The following KAZN variants were observed in gnomAD, a reference collection of about 807,000 sequenced individuals.
KAZN encodes kazrin, periplakin interacting protein, also known as kazrin.
A neutral mutation model predicts 87.4 loss-of-function variants in KAZN; 40 were observed. The ratio of observed to expected loss-of-function variants is 0.46; its 90% confidence interval spans 0.36 to 0.60. The LOEUF (loss-of-function observed/expected upper bound fraction) is 0.60. Among genes scored for constraint, KAZN ranks in the 20% least tolerant of loss-of-function variants. KAZN has a pLI of 0.00. For synonymous variants in KAZN, 466 were observed against 458.3 expected, an observed-to-expected ratio of 1.02 and a Z score of -0.22; for missense variants, 898 against 1,073.9, an observed-to-expected ratio of 0.84 and a Z score of 2.29.
intron 2 of KAZN, among the ~76,000 whole-genome samples, chr1:14,216,658 C>T (rs897529206): frequency 1.3e-5 from 2 of 152,148 alleles, no homozygotes; most frequent in East Asian, 3.9e-4. Flanking sequence ...GTAATCCCAG[C>T]ACTTTGGGAG....
chr1:14,254,076 G>C (rs1474983012), intron 2 of KAZN, among the ~76,000 whole-genome samples: 3 of 152,066 alleles, frequency 2.0e-5, no homozygotes, highest in African/African-American at 7.2e-5. Context: ...ATAAAAATCT[G>C]TTCTATCTGA....
chr1:13,894,289 A>G (rs755675066), intron 1 of KAZN, among the ~76,000 whole-genome samples: 1 of 152,198 alleles, frequency 6.6e-6, no homozygotes, highest in Non-Finnish European at 1.5e-5. Context: ...GTCTGTGCTC[A>G]TGAATTTGTC....
chr1:14,549,609 A>AC (rs1179597183), intron 2 of KAZN, among the ~76,000 whole-genome samples: 33 of 131,052 alleles, frequency 2.5e-4, no homozygotes, highest in African/African-American at 4.2e-4. Flanking sequence ...TCTCCAGGCA[A>AC]CCCCTTTTTT....
At chr1:14,859,375 G>A (rs1650568325) in intron 1 of KAZN, among the ~76,000 whole-genome samples, 1 of 152,130 alleles carries the variant, frequency 6.6e-6, no homozygotes, top group African/African-American at 2.4e-5. Flanking sequence ...TGGGTGACTG[G>A]CCCACGGTCA....
chr1:14,963,749 T>G (rs1356314024), intron 2 of KAZN, among the ~76,000 whole-genome samples: 1 of 152,180 alleles, frequency 6.6e-6, no homozygotes, highest in Non-Finnish European at 1.5e-5. Flanking sequence ...AGGTTTTAAT[T>G]AGATATTTGT....
intron 2 of KAZN, among the ~76,000 whole-genome samples, chr1:14,446,561 T>C (rs958611738): frequency 2.0e-5 from 3 of 152,226 alleles, no homozygotes; most frequent in Non-Finnish European, 4.4e-5. Flanking sequence ...AGCTAAACCA[T>C]GGAGGCTAGG....
intron 2 of KAZN, among the ~76,000 whole-genome samples, chr1:14,369,119 G>A (rs180905555): frequency 3.9e-5 from 6 of 152,318 alleles, no homozygotes; most frequent in Middle Eastern, 3.4e-3. Flanking sequence ...TTTCTGCAGC[G>A]TAGCCTCAGG....
intron 2 of KAZN, among the ~76,000 whole-genome samples, chr1:14,966,531 G>A (rs1232647872): frequency 6.6e-6 from 1 of 152,188 alleles, no homozygotes; most frequent in Admixed American, 6.5e-5. Flanking sequence ...ATAATTGTGG[G>A]TGTTCTTTGA....
intron 4 of KAZN, among the ~76,000 whole-genome samples, chr1:15,046,009 A>G (rs1673450890): frequency 6.6e-6 from 1 of 152,164 alleles, no homozygotes; most frequent in Non-Finnish European, 1.5e-5. Flanking sequence ...TGTTATTAAG[A>G]GAATCAGGCC....
rs1224756649 is a variant in KAZN at position 14,365,374 on chromosome 1, G to GT, written c.249+184782_249+184783insT. On this transcript the variant is annotated intron_variant, in intron 2 of 16. Coordinates refer to the KAZN transcript ENST00000636203. ...CCACCCCCTCCCCCCGGGGTGGGGGGGGGGGGGGTCTTTCAAGGTCACCAG... is the reference window on the plus strand; with the variant it reads ...CCACCCCCTCCCCCCGGGGTGGGGGGTGGGGGGGGTCTTTCAAGGTCACCAG... Among the ~76,000 whole-genome samples the GT allele has an allele frequency of 2.0e-5, 3 of 150,570 alleles. No individual in the cohort carries two copies. The East Asian group carries it at 5.9e-4, about 30-fold the overall frequency.
intron 1 of KAZN, among the ~76,000 whole-genome samples, chr1:14,660,037 C>G (rs992702257): frequency 6.6e-6 from 1 of 152,066 alleles, no homozygotes; most frequent in Non-Finnish European, 1.5e-5. Flanking sequence ...GTTATTAAAA[C>G]GGAATTAAAC....
chr1:14,150,965 TAC>T (rs34298965), intron 1 of KAZN, among the ~76,000 whole-genome samples: 3 of 151,002 alleles, frequency 2.0e-5, no homozygotes, highest in Non-Finnish European at 4.4e-5. Flanking sequence ...AACATTGTCA[TAC>T]ACACACACAC....
intron 1 of KAZN, among the ~76,000 whole-genome samples, chr1:14,799,030 G>A (rs1359450939): frequency 1.3e-5 from 2 of 152,190 alleles, no homozygotes; most frequent in Non-Finnish European, 2.9e-5. Flanking sequence ...GCCTGCCTCA[G>A]CCTCCCAAAG....
chr1:14,226,093 C>A (rs1166026021), intron 2 of KAZN, among the ~76,000 whole-genome samples: 1 of 151,720 alleles, frequency 6.6e-6, no homozygotes, highest in African/African-American at 2.4e-5. Context: ...AAACAAAAAA[C>A]CACCCTATCA....
At chr1:13,896,018 G>A (rs1173099278) in intron 1 of KAZN, among the ~76,000 whole-genome samples, 3 of 151,690 alleles carry the variant, frequency 2.0e-5, no homozygotes, top group Non-Finnish European at 4.4e-5. Flanking sequence ...TTGAGACAGG[G>A]TCTTGCTTTG....
intron 1 of KAZN, among the ~76,000 whole-genome samples, chr1:14,077,597 A>G (rs577702045): frequency 9.4e-4 from 143 of 152,342 alleles, no homozygotes; most frequent in African/African-American, 3.4e-3. Flanking sequence ...CTGCGGTGAT[A>G]CTGGAATCTT....
chr1:14,309,372 G>A (rs1210605677), intron 2 of KAZN, among the ~76,000 whole-genome samples: 3 of 152,210 alleles, frequency 2.0e-5, no homozygotes, highest in Admixed American at 6.5e-5. Flanking sequence ...AGGTAAATGA[G>A]ATATGGATAT....
At chr1:15,078,836 A>G (rs548295615) in intron 8 of KAZN, among the ~76,000 whole-genome samples, 44 of 152,146 alleles carry the variant, frequency 2.9e-4, no homozygotes, top group Admixed American at 7.2e-4. Flanking sequence ...CCATTCTCCT[A>G]TAGGTGTCTA....
intron 2 of KAZN, among the ~76,000 whole-genome samples, chr1:14,546,212 G>A (rs972664665): frequency 1.3e-5 from 2 of 152,066 alleles, no homozygotes; most frequent in African/African-American, 4.8e-5. Flanking sequence ...TTCCAACTAC[G>A]ATATTCTCTT....
Sources: allele counts gnomAD v4.1 joint callset (sites outside exome capture counted in the v4.1 genomes callset), GRCh38; gene constraint gnomAD v4.1.1; transcripts MANE v1.5; gene names NCBI Gene and HGNC (gene_info 2026-07-23, HGNC 2026-07-21).